The following MGAT5B variants were observed in gnomAD, a reference collection of about 807,000 sequenced individuals.
MGAT5B encodes N-acetylglucosaminyl-transferase Vb.
A neutral mutation model predicts 95.1 loss-of-function variants in MGAT5B; 54 were observed. That is an observed-to-expected ratio of 0.57 (90% CI 0.46 to 0.71). The LOEUF (loss-of-function observed/expected upper bound fraction) is 0.71, where lower values mean the gene tolerates loss of function less well. Ranked by LOEUF, MGAT5B falls within the 30% of genes least tolerant of loss-of-function variation. The probability of loss-of-function intolerance (pLI) is 0.00; values close to 1 mark genes in which losing one functional copy is unlikely to be tolerated. For synonymous variants in MGAT5B, 464 were observed against 451.0 expected, an observed-to-expected ratio of 1.03 and a Z score of -0.36; for missense variants, 935 against 1,088.6, an observed-to-expected ratio of 0.86 and a Z score of 1.99.
intron 8 of MGAT5B, 147 bp from the exon 9 acceptor site, chr17:76,924,819 A>G: frequency 9.7e-7 from 1 of 1,034,566 alleles, no homozygotes; most frequent in South Asian, 1.5e-5. Flanking sequence ...ACGTTACCGT[A>G]CAGGGCCATC....
chr17:76,909,768 T>C (rs539912089), intron 8 of MGAT5B, among the ~76,000 whole-genome samples: 2 of 152,340 alleles, frequency 1.3e-5, no homozygotes, highest in East Asian at 3.9e-4. Context: ...CTGGATTGTG[T>C]TGCTTAGGAG....
chr17:76,890,198 C>A (rs1967814143), intron 3 of MGAT5B, among the ~76,000 whole-genome samples: 1 of 152,200 alleles, frequency 6.6e-6, no homozygotes, highest in Non-Finnish European at 1.5e-5. Flanking sequence ...CAGTCCTGTC[C>A]TCGGTCCCTC....
rs1970097283 is a variant in MGAT5B, at chr17:76,948,224, G to GT, written c.2180+138_2180+139insT. On this transcript the variant is annotated intron_variant, in intron 17 of 17. Transcript: ENST00000569840. ...GTAATGCTTTCCAATGAGTCAGGAA[G>GT]GATCCAGAAGGGATCCTCCAGGCCA... 1.1e-5 allele frequency: 16 copies of GT among 1,425,140 alleles called. No homozygotes were observed. In the Admixed American group the frequency reaches 1.7e-4, roughly 16 times the overall value. The allele number at this position is 1,425,140 out of a possible 1,614,324, so 88.3% of individuals were successfully genotyped here. A position where few individuals can be genotyped will look rare whatever the true frequency, so the allele number is the denominator to read the frequency against.
At chr17:76,903,398 T>A in intron 5 of MGAT5B, 22 bp downstream of exon 5, 1 of 1,594,410 alleles carries the variant, frequency 6.3e-7, no homozygotes, top group Non-Finnish European at 8.6e-7. Flanking sequence ...GGCTGAGGGG[T>A]GGGGATGTCT....
intron 11 of MGAT5B, among the ~76,000 whole-genome samples, 166 bp from the exon 12 acceptor site, chr17:76,933,126 G>T (rs944264936): frequency 1.3e-5 from 2 of 152,232 alleles, no homozygotes; most frequent in Non-Finnish European, 2.9e-5. Context: ...TGGGAGTTCT[G>T]TGAGATTAGA....
chr17:76,872,980 A>G lies in MGAT5B; in HGVS notation c.181+17A>G. 1 of 1,612,216 alleles carries G rather than the reference A, an allele frequency of 6.2e-7. No homozygotes were observed. Among genetic ancestry groups the G allele is most frequent in the South Asian group, 1.1e-5 (1 of 91,078 alleles). On this transcript the variant is annotated intron_variant, in intron 2 of 17. Transcript: ENST00000569840. ...GCACAGAAGGTACCTTGGTGGGGCA[A>G]GGGGAGTGTGAGATGAGTGAGGGCG...
intron 2 of MGAT5B, among the ~76,000 whole-genome samples, chr17:76,876,795 G>A (rs1161731372): frequency 6.6e-6 from 1 of 152,204 alleles, no homozygotes; most frequent in Non-Finnish European, 1.5e-5. Flanking sequence ...GCTGCATGGG[G>A]AATCATGACC....
intron 2 of MGAT5B, 104 bp from the exon 3 acceptor site, chr17:76,882,047 G>GA: frequency 8.4e-7 from 1 of 1,196,542 alleles, no homozygotes; most frequent in Admixed American, 3.0e-5. Context: ...GGTTGGTGCT[G>GA]GGGGACTTTG....
At position 76,933,273 on chromosome 17, in the gene MGAT5B, C is replaced by T; in HGVS notation, c.1423-19C>T. On this transcript the variant is annotated intron_variant, in intron 11 of 17. Transcript: ENST00000569840. ...TGTCTCTCTCTCTGTTCCTTGTGCTCCCCCTGGCCACGAGGCAGCTCCAGG... is the reference window on the plus strand; with the variant it reads ...TGTCTCTCTCTCTGTTCCTTGTGCTTCCCCTGGCCACGAGGCAGCTCCAGG... 6.3e-7 allele frequency: 1 copy of T among 1,598,214 alleles called. No homozygotes were observed. Among genetic ancestry groups the T allele is most frequent in the Non-Finnish European group, 8.5e-7 (1 of 1,179,688 alleles).
chr17:76,880,200 C>A (rs1053932573), intron 2 of MGAT5B, among the ~76,000 whole-genome samples: 2 of 152,178 alleles, frequency 1.3e-5, no homozygotes, highest in Non-Finnish European at 2.9e-5. Context: ...CCACATCCCC[C>A]CTGCTCCCAT....
At chr17:76,923,705 G>A (rs1969197786) in intron 8 of MGAT5B, 1 of 152,260 alleles carries the variant, frequency 6.6e-6, no homozygotes, top group South Asian at 2.1e-4. Flanking sequence ...GTGCTCCTGG[G>A]GCTGGGGACA....
In MGAT5B at chr17:76,905,899, C is replaced by T; in HGVS notation, c.856-119C>T. The T allele has an allele frequency of 3.4e-6, 4 of 1,161,488 alleles. No homozygotes were observed. Among genetic ancestry groups the T allele is most frequent in the Non-Finnish European group, 4.8e-6 (4 of 839,960 alleles). 71.9% of individuals were successfully genotyped at this position (1,161,488 alleles called of 1,614,324 possible). A position where few individuals can be genotyped will look rare whatever the true frequency, so the allele number is the denominator to read the frequency against. On this transcript the variant is annotated intron_variant, in intron 7 of 17. Coordinates refer to ENST00000569840, the MANE Select transcript of MGAT5B (RefSeq NM_001199172.2). This position sits in a 1 kb window ranked among gnomAD's most constrained non-coding sequence, Gnocchi z 4.2. ...TCACTCTGGTGCCGGAAAGCACCTG[C>T]TGGGGCCCAGCCTGGAGACAGGGTC... is the stretch of plus-strand genomic sequence containing the variant.
rs115984759 is a variant in MGAT5B at position 76,918,008 on chromosome 17, G to C, written c.1026-6958G>C. Among the ~76,000 whole-genome samples, 17 of 152,184 alleles carry C rather than the reference G, an allele frequency of 1.1e-4. No homozygotes were observed. The highest frequency in any genetic ancestry group is 3.9e-4 in the African/African-American group (16 of 41,436). On this transcript the variant is annotated intron_variant, in intron 8 of 17. Coordinates refer to ENST00000569840, the MANE Select transcript of MGAT5B (RefSeq NM_001199172.2). The surrounding 1 kb of genome is among the most constrained non-coding windows in gnomAD (Gnocchi z 5.1). Reference sequence around the variant, plus strand: ...TCCTGCAGCCGTGCTGGCAGCCAGCGGGGTGAGTGTGTGGTCTCCTCCAGC... The same window carrying C: ...TCCTGCAGCCGTGCTGGCAGCCAGCCGGGTGAGTGTGTGGTCTCCTCCAGC...
chr17:76,929,085 T>C (rs7214965), intron 10 of MGAT5B, among the ~76,000 whole-genome samples: 107,742 of 151,960 alleles, frequency 0.71, 38,810 homozygotes, highest in East Asian at 0.78. Context: ...AGGCTGGTCT[T>C]GAACTCCTGA....
chr17:76,935,323 C>T (rs776376292), intron 12 of MGAT5B, among the ~76,000 whole-genome samples: 1 of 137,410 alleles, frequency 7.3e-6, no homozygotes, highest in African/African-American at 2.6e-5. Context: ...CTTTTTGGTT[C>T]GTGTACAATT....
intron 8 of MGAT5B, among the ~76,000 whole-genome samples, chr17:76,924,670 C>G (rs1273579956): frequency 1.3e-5 from 2 of 152,230 alleles, no homozygotes; most frequent in African/African-American, 4.8e-5. Flanking sequence ...GTAGCCACAG[C>G]CCTGCGGGAG....
chr17:76,893,148 G>T (rs927350348), intron 3 of MGAT5B, among the ~76,000 whole-genome samples: 5 of 152,040 alleles, frequency 3.3e-5, no homozygotes, highest in Admixed American at 6.6e-5. Flanking sequence ...ACCCTTTGAT[G>T]TACCCCAGGG....
chr17:76,902,747 T>TGGGG, intron 4 of MGAT5B, 77 bp downstream of exon 4: 1 of 625,550 alleles, frequency 1.6e-6, no homozygotes, highest in Non-Finnish European at 2.8e-6. Flanking sequence ...CCTGGGAGGG[T>TGGGG]GGGACACTTG....
intron 3 of MGAT5B, among the ~76,000 whole-genome samples, chr17:76,892,407 G>T (rs1323591727): frequency 2.0e-5 from 3 of 152,212 alleles, no homozygotes; most frequent in African/African-American, 4.8e-5. Context: ...CCTCTGCCCC[G>T]CAATGAAGCC....
Sources: allele counts gnomAD v4.1 joint callset (sites outside exome capture counted in the v4.1 genomes callset), GRCh38; gene constraint gnomAD v4.1.1; non-coding constraint Gnocchi (gnomAD v3.1); transcripts MANE v1.5; gene names NCBI Gene and HGNC (gene_info 2026-07-23, HGNC 2026-07-21).